Variants in TCP11L2 observed in about 807,000 individuals in gnomAD.
The protein encoded by TCP11L2 is T-complex protein 11-like protein 2.
A neutral mutation model predicts 50.7 loss-of-function variants in TCP11L2; 39 were observed. The observed-to-expected ratio is 0.77, with a 90% CI of 0.60 to 1.01. The LOEUF is 1.01. Among genes scored for constraint, TCP11L2 ranks in the 50% least tolerant of loss-of-function variants. The probability of loss-of-function intolerance (pLI) is 0.00; values close to 1 mark genes in which losing one functional copy is unlikely to be tolerated. For missense variants in TCP11L2, 612 were observed against 614.7 expected (o/e 1.00, Z 0.05); for synonymous variants, 192 against 219.3 (o/e 0.88, Z 1.10).
At chr12:106,324,548 A>G (rs2035472543) in intron 6 of TCP11L2, 1 of 152,218 alleles carries the variant, frequency 6.6e-6, no homozygotes, top group Admixed American at 6.5e-5. Flanking sequence ...TTCATTTTTG[A>G]AGAATATTCT....
At chr12:106,330,421 C>T in intron 6 of TCP11L2, 1 of 580,386 alleles carries the variant, frequency 1.7e-6, no homozygotes, top group Non-Finnish European at 2.2e-6. Context: ...TTGTATGTCC[C>T]ATCCTGGCAG....
intron 1 of TCP11L2, among the ~76,000 whole-genome samples, chr12:106,304,841 A>G (rs1015506853): frequency 6.6e-6 from 1 of 152,208 alleles, no homozygotes; most frequent in African/African-American, 2.4e-5. Context: ...TGCGGTGCAT[A>G]AAGAATGGCT....
chr12:106,330,025 G>A (rs1013230250), intron 6 of TCP11L2: 1 of 985,396 alleles, frequency 1.0e-6, no homozygotes, highest in Non-Finnish European at 1.2e-6. Context: ...CTGTGTTCAG[G>A]CTGTATTTCT....
Position 106,336,200 on chromosome 12 carries a change from G to A in TCP11L2, c.1129G>A (p.Gly377Ser), listed in dbSNP as rs2035914708. Residue 377 changes from glycine (G) to serine (S), a missense_variant, in exon 8 of 10, where the codon GGC (glycine) becomes AGC (serine). Coordinates refer to ENST00000299045, the MANE Select transcript of TCP11L2 (RefSeq NM_152772.3). ...AAGGATTTCAGCTGTTCTACTTGAA[G>A]GCATGAACAAAGAGTAAGTTCCAAA... ...LTRISAVLLEGMNKETFNLKE... is the reference protein window; with the variant it reads ...LTRISAVLLESMNKETFNLKE... 6.2e-7 allele frequency: 1 copy of A among 1,607,200 alleles called. No homozygotes were observed. Among genetic ancestry groups the A allele is most frequent in the Non-Finnish European group, 8.5e-7 (1 of 1,177,960 alleles).
chr12:106,313,569 A>C (rs1421043245), intron 2 of TCP11L2, among the ~76,000 whole-genome samples: 1 of 141,212 alleles, frequency 7.1e-6, no homozygotes, highest in Non-Finnish European at 1.5e-5. Flanking sequence ...ACAGAGTGAG[A>C]CTCCATCTCA....
rs776723408 is a variant in TCP11L2, at chr12:106,335,819, TA to T, written c.954del (p.Leu318PhefsTer6). 6.2e-7 allele frequency: 1 copy of T among 1,612,920 alleles called. No homozygotes were observed. Among genetic ancestry groups the T allele is most frequent in the Admixed American group, 1.7e-5 (1 of 59,746 alleles). ...LLQWDYQKKE[L>X]PETLMTDGAR... ...CAGTGGGATTATCAGAAAAAAGAAT[TA>T]CCAGAGGTGAGTGGTTTTGTTCTTC... On this transcript the variant is annotated frameshift_variant, in exon 7 of 10. Transcript: ENST00000299045. LOFTEE classifies it high-confidence loss of function.
intron 1 of TCP11L2, among the ~76,000 whole-genome samples, chr12:106,309,699 C>A (rs1268782690): frequency 6.6e-6 from 1 of 151,338 alleles, no homozygotes; most frequent in Admixed American, 6.6e-5. Flanking sequence ...TCCCCCTTTT[C>A]CCATCTAGTA....
At chr12:106,329,152 A>G (rs2035659232) in intron 6 of TCP11L2, among the ~76,000 whole-genome samples, 1 of 152,146 alleles carries the variant, frequency 6.6e-6, no homozygotes, top group African/African-American at 2.4e-5. Flanking sequence ...GTGTAATACC[A>G]TTGCTTGTTC....
intron 9 of TCP11L2, among the ~76,000 whole-genome samples, chr12:106,343,659 CT>C (rs35408125): frequency 0.28 from 40,631 of 146,770 alleles, 6,332 homozygotes; most frequent in Non-Finnish European, 0.36. Context: ...CCTACGTCTA[CT>C]TTTTTTTTTT....
chr12:106,299,586 A>T (rs2034381545), upstream of TCP11L2, among the ~76,000 whole-genome samples: 1 of 152,210 alleles, frequency 6.6e-6, no homozygotes, highest in Admixed American at 6.5e-5. Context: ...GCAACTGCCC[A>T]GACTGCACGA....
At chr12:106,302,407 AGCCCCCGCTCCCCCACTCG>A (rs1276611669), upstream of TCP11L2, among the ~76,000 whole-genome samples, 4 of 46,046 alleles carry the variant, frequency 8.7e-5, no homozygotes, top group East Asian at 4.9e-4. Flanking sequence ...GCCCCCGCTC[AGCCCCCGCTCCCCCACTCG>A]GCCCCGCCCC....
chr12:106,298,752 A>C (rs1300168379), upstream of TCP11L2, among the ~76,000 whole-genome samples: 1 of 151,736 alleles, frequency 6.6e-6, no homozygotes, highest in African/African-American at 2.4e-5. Flanking sequence ...CAAACTCCTG[A>C]CCTCAAGTTA....
At chr12:106,324,282 G>A (rs1428171582) in intron 6 of TCP11L2, 2 of 152,172 alleles carry the variant, frequency 1.3e-5, no homozygotes, top group East Asian at 1.9e-4. Context: ...TAAAGATGGG[G>A]AAAAGAACGT....
At chr12:106,336,547 A>ATTTTT (rs11449901) in intron 8 of TCP11L2, among the ~76,000 whole-genome samples, 1 of 102,162 alleles carries the variant, frequency 9.8e-6, no homozygotes, top group Non-Finnish European at 1.9e-5. Context: ...GAATTGCGCA[A>ATTTTT]TTTTTTTTTT....
intron 6 of TCP11L2, chr12:106,324,853 G>C (rs1162298314): frequency 6.6e-6 from 1 of 152,192 alleles, no homozygotes. Context: ...GAGAAAGAAG[G>C]TTGGGAGATG....
In TCP11L2 at chr12:106,346,308, G is replaced by T; in HGVS notation, c.1338G>T (p.Met446Ile). ...CAGATAAACGAATTAAGCTTTACAT[G>T]AGAAGGCTACTTTGTCTTCCAAGCC... The part of the protein sequence containing the change: ...SLIDKRIKLY[M>I]RRLLCLPSPQ... Residue 446 changes from methionine (M) to isoleucine (I), a missense_variant, in exon 10 of 10, where the codon ATG becomes ATT. Physicochemically the swap from Met to Ile is conservative, Grantham distance 10 (BLOSUM62 1). Transcript: ENST00000299045. 1.2e-6 allele frequency: 2 copies of T among 1,611,612 alleles called. No homozygotes were observed. Among genetic ancestry groups the T allele is most frequent in the South Asian group, 1.1e-5 (1 of 90,990 alleles).
intron 1 of TCP11L2, among the ~76,000 whole-genome samples, chr12:106,305,599 T>G (rs937685757): frequency 4.6e-5 from 7 of 152,314 alleles, no homozygotes; most frequent in East Asian, 3.9e-4. Flanking sequence ...GTCTTATGAA[T>G]AGGAGTGTGG....
chr12:106,328,349 T>G (rs1188273309), intron 6 of TCP11L2, among the ~76,000 whole-genome samples: 1 of 152,132 alleles, frequency 6.6e-6, no homozygotes, highest in Non-Finnish European at 1.5e-5. Context: ...ATCGAGACCA[T>G]CCTGGCCAAC....
At chr12:106,320,549 A>G (rs1194947510) in intron 4 of TCP11L2, among the ~76,000 whole-genome samples, 1 of 152,160 alleles carries the variant, frequency 6.6e-6, no homozygotes, top group Non-Finnish European at 1.5e-5. Flanking sequence ...TGTTAAGTTC[A>G]TTGACAAGTC....
Sources: allele counts gnomAD v4.1 joint callset (sites outside exome capture counted in the v4.1 genomes callset), GRCh38; gene constraint gnomAD v4.1.1; transcripts MANE v1.5; gene names NCBI Gene and HGNC (gene_info 2026-07-23, HGNC 2026-07-21).